The following EVPLL variants were observed in gnomAD, a reference collection of about 807,000 sequenced individuals.
The protein encoded by EVPLL is envoplakin like.
A neutral mutation model predicts 46.2 loss-of-function variants in EVPLL; 39 were observed. That is an observed-to-expected ratio of 0.84 (90% CI 0.65 to 1.10). The LOEUF (loss-of-function observed/expected upper bound fraction) is 1.10. EVPLL is among the 50% of genes least tolerant of loss of function. The pLI is 0.00. For missense variants in EVPLL, 385 were observed against 412.6 expected (o/e 0.93, Z 0.58); for synonymous variants, 156 against 165.8 (o/e 0.94, Z 0.46).
intron 1 of EVPLL, among the ~76,000 whole-genome samples, chr17:18,379,098 G>C (rs1327112929): frequency 6.6e-6 from 1 of 152,136 alleles, no homozygotes; most frequent in Non-Finnish European, 1.5e-5. Context: ...AAACAGAATA[G>C]AGCTGGGGCT....
At chr17:18,385,754 C>T (rs1157192865) in intron 9 of EVPLL, among the ~76,000 whole-genome samples, 1 of 152,206 alleles carries the variant, frequency 6.6e-6, no homozygotes, top group African/African-American at 2.4e-5. Context: ...TTTTTATTAG[C>T]ATTTAAACCT....
chr17:18,385,025 G>A (rs1004934244), intron 9 of EVPLL, among the ~76,000 whole-genome samples: 7 of 151,942 alleles, frequency 4.6e-5, no homozygotes, highest in Non-Finnish European at 1.0e-4. Flanking sequence ...TGACAAGAGA[G>A]ACAGAGAAGC....
chr17:18,385,417 C>T (rs1284800620), intron 9 of EVPLL, among the ~76,000 whole-genome samples: 1 of 105,460 alleles, frequency 9.5e-6, no homozygotes, highest in Non-Finnish European at 2.1e-5. Flanking sequence ...CCCACTGGGG[C>T]TCTGCTTCTC....
rs1212971775 is a variant in EVPLL, at chr17:18,382,652, G to A, written c.472+14G>A. Reference sequence around the variant, plus strand: ...CTGGTGGGGCCGGTGGGTGAGCCGGGAAGATGTTACATCCGGGGCCAGCCC... The same window carrying A: ...CTGGTGGGGCCGGTGGGTGAGCCGGAAAGATGTTACATCCGGGGCCAGCCC... On this transcript the variant is annotated intron_variant, in intron 5 of 10. Coordinates refer to ENST00000399134, the MANE Select transcript of EVPLL (RefSeq NM_001145127.2). 4.5e-6 allele frequency: 7 copies of A among 1,550,962 alleles called. No individual in the cohort carries two copies. The highest frequency in any genetic ancestry group is 6.1e-6 in the Non-Finnish European group (7 of 1,146,600).
chr17:18,385,021 G>A (rs185874906), intron 9 of EVPLL, among the ~76,000 whole-genome samples: 19 of 152,008 alleles, frequency 1.2e-4, no homozygotes, highest in African/African-American at 4.6e-4. Flanking sequence ...GAGATGACAA[G>A]AGAGACAGAG....
Position 18,381,762 on chromosome 17 carries a change from T to C in EVPLL, c.346+32T>C. ...AGCTCAAAGTCACACCCCAGTGTGA[T>C]CAGAGGGTGATACGGAACTGCATTT... On this transcript the variant is annotated intron_variant, in intron 4 of 10. Coordinates refer to ENST00000399134, the MANE Select transcript of EVPLL (RefSeq NM_001145127.2). The surrounding 1 kb of genome is among the most constrained non-coding windows in gnomAD (Gnocchi z 4.2). The C allele has an allele frequency of 6.2e-7, 1 of 1,613,790 alleles. No homozygotes were observed. Among genetic ancestry groups the C allele is most frequent in the Non-Finnish European group, 8.5e-7 (1 of 1,179,946 alleles).
chr17:18,381,868 A>T lies in EVPLL; in HGVS notation c.346+138A>T. ...TCTGGGCAGGGAGACAGCAGAGGAGACAGTGCAGTCAGGGAAGACTTCCTG... is the reference window on the plus strand; with the variant it reads ...TCTGGGCAGGGAGACAGCAGAGGAGTCAGTGCAGTCAGGGAAGACTTCCTG... On this transcript the variant is annotated intron_variant, in intron 4 of 10. Coordinates refer to ENST00000399134, the MANE Select transcript of EVPLL (RefSeq NM_001145127.2). The surrounding 1 kb of genome is among the most constrained non-coding windows in gnomAD (Gnocchi z 4.2). 1 of 1,380,014 alleles carries T rather than the reference A, an allele frequency of 7.2e-7. No individual in the cohort carries two copies. The highest frequency in any genetic ancestry group is 2.5e-4 in the Middle Eastern group (1 of 4,016). The allele number at this position is 1,380,014 out of a possible 1,614,324, so 85.5% of individuals were successfully genotyped here.
At position 18,382,935 on chromosome 17, in the gene EVPLL, G is replaced by A. The variant is rs1598096869; in HGVS notation, c.511+71G>A. Reference sequence around the variant, plus strand: ...GGTGGCCGCCCGGACCCTGCCCGGGGCCAGTGTTCCTGAGCGCCGCCCAAT... The same window carrying A: ...GGTGGCCGCCCGGACCCTGCCCGGGACCAGTGTTCCTGAGCGCCGCCCAAT... On this transcript the variant is annotated intron_variant, in intron 6 of 10. Transcript: ENST00000399134. 3 of 1,592,714 alleles carry A rather than the reference G, an allele frequency of 1.9e-6. No individual in the cohort carries two copies. In the East Asian group the frequency reaches 6.8e-5, roughly 36 times the overall value.
intron 9 of EVPLL, among the ~76,000 whole-genome samples, chr17:18,384,447 A>T (rs1987702465): frequency 7.0e-6 from 1 of 143,706 alleles, no homozygotes; most frequent in African/African-American, 2.6e-5. Context: ...AAAAAAAAAA[A>T]ATCCTGGTGC....
chr17:18,380,867 C>T lies in EVPLL; in HGVS notation c.-36-35C>T, dbSNP rs1335765908. Reference sequence around the variant, plus strand: ...GGATGGGGCACAGAGGGGCCTCTTCCACCGAGCTGCCCACTGTCCCCTCCA... The same window carrying T: ...GGATGGGGCACAGAGGGGCCTCTTCTACCGAGCTGCCCACTGTCCCCTCCA... On this transcript the variant is annotated intron_variant, in intron 1 of 10. Coordinates refer to ENST00000399134, the MANE Select transcript of EVPLL (RefSeq NM_001145127.2). 5 of 1,529,602 alleles carry T rather than the reference C, an allele frequency of 3.3e-6. No individual in the cohort carries two copies. In the Admixed American group the frequency reaches 9.8e-5, roughly 30 times the overall value. 94.8% of individuals were successfully genotyped at this position (1,529,602 alleles called of 1,614,324 possible).
In EVPLL at chr17:18,385,319, C is replaced by G. The variant is rs1360366940; in HGVS notation, c.876+1732C>G. On this transcript the variant is annotated intron_variant, in intron 9 of 10. Transcript: ENST00000399134. ...TCATGGCTCCACTGAACGCTGCCCC[C>G]TCGGTTCGGGAGGACCAGTGGTGCC... Among the ~76,000 whole-genome samples the G allele has an allele frequency of 3.3e-5, 3 of 90,834 alleles. 1 individual carries two copies. The highest frequency in any genetic ancestry group is 1.5e-4 in the African/African-American group (3 of 20,444). The allele number at this position is 90,834 out of a possible 152,430, so 59.6% of individuals were successfully genotyped here.
At position 18,380,619 on chromosome 17, in the gene EVPLL, GC is replaced by G. The variant is rs1383177133; in HGVS notation, c.-36-281del. The G allele has an allele frequency of 2.0e-5, 6 of 300,392 alleles. No homozygotes were observed. In the East Asian group the frequency reaches 3.0e-4, roughly 15 times the overall value. The allele number at this position is 300,392 out of a possible 1,614,324, so 18.6% of individuals were successfully genotyped here. ...AGCTGGGTGGGGTCGGGAACTCACT[GC>G]CAGCACAGCTGGCTGAGGCTGGGAC... On this transcript the variant is annotated intron_variant, in intron 1 of 10. Coordinates refer to ENST00000399134, the MANE Select transcript of EVPLL (RefSeq NM_001145127.2).
rs2151628208 is a variant in EVPLL at position 18,381,939 on chromosome 17, G to A, written c.346+209G>A. The stretch of plus-strand genomic sequence containing the variant: ...GACCTCAGAGGGGTGAGAGGGCTCG[G>A]TTGGGTCAGGGTGAAGTAGTGAGGA... On this transcript the variant is annotated intron_variant, in intron 4 of 10. Coordinates refer to ENST00000399134, the MANE Select transcript of EVPLL (RefSeq NM_001145127.2). This position sits in a 1 kb window ranked among gnomAD's most constrained non-coding sequence, Gnocchi z 4.2. 1.3e-6 allele frequency: 1 copy of A among 753,632 alleles called. No homozygotes were observed. The highest frequency in any genetic ancestry group is 2.7e-5 in the East Asian group (1 of 36,408). 46.7% of individuals were successfully genotyped at this position (753,632 alleles called of 1,614,324 possible).
At position 18,381,807 on chromosome 17, in the gene EVPLL, G is replaced by C; in HGVS notation, c.346+77G>C. On this transcript the variant is annotated intron_variant, in intron 4 of 10. Transcript: ENST00000399134. This position sits in a 1 kb window ranked among gnomAD's most constrained non-coding sequence, Gnocchi z 4.2. ...GCATTTAACCCAGGGCCTGACTGTA[G>C]GCTTGAACAGTCAGTGTATAGTGGT... is the stretch of plus-strand genomic sequence containing the variant. 1.2e-6 allele frequency: 2 copies of C among 1,602,126 alleles called. No homozygotes were observed. The highest frequency in any genetic ancestry group is 1.7e-6 in the Non-Finnish European group (2 of 1,173,166).
At position 18,382,616 on chromosome 17, in the gene EVPLL, A is replaced by C. The variant is rs371477296; in HGVS notation, c.450A>C (p.Ala150=). 7 of 1,551,898 alleles carry C rather than the reference A, an allele frequency of 4.5e-6. No homozygotes were observed. The African/African-American group carries it at 8.2e-5, about 18-fold the overall frequency. The part of the protein sequence containing the change: ...RAEGDQRPRR[A]AAEPGGAGCR... ...AAGGAGATCAACGACCAAGGAGAGCAGCTGCGGAGCCTGGTGGGGCCGGTG... is the reference window on the plus strand; with the variant it reads ...AAGGAGATCAACGACCAAGGAGAGCCGCTGCGGAGCCTGGTGGGGCCGGTG... The change falls in exon 5 of 11, where the codon GCA becomes GCC. Residue 150 remains alanine, a synonymous_variant. Transcript: ENST00000399134.
chr17:18,387,101 A>G (rs1381781924), intron 9 of EVPLL, among the ~76,000 whole-genome samples: 1 of 149,216 alleles, frequency 6.7e-6, no homozygotes, highest in Non-Finnish European at 1.5e-5. Context: ...GGCTTTCACC[A>G]TGTTAGCCAG....
chr17:18,382,353 C>A, intron 4 of EVPLL, 160 bp from the exon 5 acceptor site: 1 of 941,834 alleles, frequency 1.1e-6, no homozygotes, highest in Non-Finnish European at 1.5e-6. Flanking sequence ...AGCAGAATGG[C>A]TCACCCTGGG....
chr17:18,381,481 C>T lies in EVPLL; in HGVS notation c.178C>T (p.Arg60Trp), dbSNP rs531858226. The T allele has an allele frequency of 5.1e-5, 82 of 1,613,860 alleles. No homozygotes were observed. The South Asian group carries it at 7.6e-4, about 15-fold the overall frequency. Residue 60 changes from arginine to tryptophan, a missense_variant, in exon 3 of 11, where the codon CGG becomes TGG. By Grantham distance (101) the Arg-to-Trp change is moderately radical. Coordinates refer to ENST00000399134, the MANE Select transcript of EVPLL (RefSeq NM_001145127.2). This position sits in a 1 kb window ranked among gnomAD's most constrained non-coding sequence, Gnocchi z 4.2. ...CCTCTTCCTGGACGTGGACAAGGCCCGGCGGCTCAAGCACCCGCAGGCTGA... is the reference window on the plus strand; with the variant it reads ...CCTCTTCCTGGACGTGGACAAGGCCTGGCGGCTCAAGCACCCGCAGGCTGA... ...KDLFLDVDKA[R>W]RLKHPQAEET...
rs753279598 is a variant in EVPLL at position 18,382,499 on chromosome 17, C to G, written c.347-14C>G. 4.1e-5 allele frequency: 63 copies of G among 1,551,314 alleles called. No homozygotes were observed. Among genetic ancestry groups the G allele is most frequent in the Non-Finnish European group, 5.1e-5 (58 of 1,146,894 alleles). ...CCTGGTCCTGTGGTGACTGAGCCGC[C>G]GGCTCTCCTGCAGAAGCTGGTCTGC... On this transcript the variant is annotated splice_polypyrimidine_tract_variant and intron_variant, in intron 4 of 10. Coordinates refer to ENST00000399134, the MANE Select transcript of EVPLL (RefSeq NM_001145127.2).
Sources: allele counts gnomAD v4.1 joint callset (sites outside exome capture counted in the v4.1 genomes callset), GRCh38; gene constraint gnomAD v4.1.1; non-coding constraint Gnocchi (gnomAD v3.1); transcripts MANE v1.5; gene names NCBI Gene and HGNC (gene_info 2026-07-23, HGNC 2026-07-21).